Variants in REXO5 observed in about 807,000 individuals in gnomAD.
The protein encoded by REXO5 is exonuclease NEF-sp.
REXO5 carries 48 observed loss-of-function variants against 88.5 expected under a neutral mutation model. The observed-to-expected ratio is 0.54, with a 90% confidence interval of 0.43 to 0.69. REXO5 has a LOEUF of 0.69. Among genes scored for constraint, REXO5 ranks in the 30% least tolerant of loss-of-function variants. REXO5 has a pLI of 0.00. For synonymous variants in REXO5, 311 were observed against 336.5 expected (o/e 0.92, Z 0.83); for missense variants, 749 against 912.2 (o/e 0.82, Z 2.30).
chr16:20,828,531 A>G lies in REXO5; in HGVS notation c.1152A>G (p.Pro384=). The G allele has an allele frequency of 6.2e-7, 1 of 1,607,966 alleles. No homozygotes were observed. The highest frequency in any genetic ancestry group is 1.1e-5 in the South Asian group (1 of 90,924). Residue 384 remains proline, a synonymous_variant, in exon 11 of 20, where the codon CCA becomes CCG. Coordinates refer to ENST00000261377, the MANE Select transcript of REXO5 (RefSeq NM_030941.3). ...CTCGGTATTTCCTTAAGCATGGCCC[A>G]AAAAAGGTTAGTATCTTTGCCCAGT... ...ELARYFLKHG[P]KKIAELNLEA... is the part of the protein sequence containing the mutation.
At chr16:20,821,360 C>T (rs1410963277) in intron 5 of REXO5, among the ~76,000 whole-genome samples, 1 of 152,188 alleles carries the variant, frequency 6.6e-6, no homozygotes, top group Non-Finnish European at 1.5e-5. Context: ...GATCTCGGCT[C>T]ACTGCAAGCT....
chr16:20,841,457 C>T (rs983944738), intron 15 of REXO5, among the ~76,000 whole-genome samples: 3 of 152,088 alleles, frequency 2.0e-5, no homozygotes, highest in Non-Finnish European at 4.4e-5. Context: ...GGGAAGACTT[C>T]ACTGTAAATA....
intron 6 of REXO5, chr16:20,823,645 C>G (rs957637128): frequency 6.6e-6 from 1 of 152,040 alleles, no homozygotes; most frequent in Non-Finnish European, 1.5e-5. Context: ...TTCACAGTAC[C>G]GGGAATCAGA....
chr16:20,813,869 G>A (rs1173893933), intron 3 of REXO5, among the ~76,000 whole-genome samples: 3 of 151,972 alleles, frequency 2.0e-5, no homozygotes, highest in African/African-American at 7.3e-5. Context: ...GACCAGCCTG[G>A]GCAACATAGC....
chr16:20,836,438 A>C (rs186199632), intron 13 of REXO5, among the ~76,000 whole-genome samples: 1 of 152,026 alleles, frequency 6.6e-6, no homozygotes. Context: ...AGTTTTCTCC[A>C]TGTCTTTTCA....
chr16:20,827,521 G>A lies in REXO5; in HGVS notation c.1055+74G>A, dbSNP rs766031547. The A allele has an allele frequency of 2.9e-4, 311 of 1,083,450 alleles. 1 individual carries two copies. The highest frequency in any genetic ancestry group is 4.1e-4 in the Non-Finnish European group (300 of 726,442). 67.1% of individuals were successfully genotyped at this position (1,083,450 alleles called of 1,614,324 possible). A position where few individuals can be genotyped will look rare whatever the true frequency, so the allele number is the denominator to read the frequency against. On this transcript the variant is annotated intron_variant, in intron 10 of 19. Coordinates refer to ENST00000261377, the MANE Select transcript of REXO5 (RefSeq NM_030941.3). ...GTTAGCATGTAGTATCTAATTTAAT[G>A]CATATTGCAAAATTCAGGGTTTCTG...
At chr16:20,826,943 A>G in intron 8 of REXO5, 115 bp from the exon 9 acceptor site, 1 of 995,444 alleles carries the variant, frequency 1.0e-6, no homozygotes, top group Non-Finnish European at 1.4e-6. Flanking sequence ...CACTTTGGAC[A>G]CTAAGCATAT....
intron 19 of REXO5, among the ~76,000 whole-genome samples, chr16:20,847,579 T>TCTACC (rs2081628470): frequency 6.6e-6 from 1 of 152,114 alleles, no homozygotes; most frequent in Admixed American, 6.6e-5. Context: ...AGGGAGATGG[T>TCTACC]CTACCTACTG....
At chr16:20,844,871 T>C (rs1567411827) in intron 17 of REXO5, 26 bp downstream of exon 17, 1 of 1,592,354 alleles carries the variant, frequency 6.3e-7, no homozygotes, top group East Asian at 2.2e-5. Flanking sequence ...TGAATGTAGC[T>C]TTGGGGAAGG....
At chr16:20,813,091 T>C in intron 2 of REXO5, 99 bp from the exon 3 acceptor site, 3 of 791,196 alleles carry the variant, frequency 3.8e-6, no homozygotes, top group Non-Finnish European at 4.4e-6. Context: ...AGAATATACC[T>C]GTATGTTAAA....
At chr16:20,832,405 G>GA (rs2081359538) in intron 12 of REXO5, 146 bp downstream of exon 12, 4 of 482,598 alleles carry the variant, frequency 8.3e-6, no homozygotes, top group African/African-American at 2.1e-5. Flanking sequence ...AAAAACCACG[G>GA]AAAAAATACC....
intron 5 of REXO5, among the ~76,000 whole-genome samples, chr16:20,819,990 A>C (rs2081144279): frequency 6.6e-6 from 1 of 152,104 alleles, no homozygotes; most frequent in Non-Finnish European, 1.5e-5. Context: ...TCCTGGACTC[A>C]AGCAATCCTC....
chr16:20,832,297 G>A, intron 12 of REXO5, 38 bp downstream of exon 12: 1 of 1,311,956 alleles, frequency 7.6e-7, no homozygotes. Context: ...AAAGACAAAT[G>A]GAGTATCTAG....
chr16:20,847,274 A>C (rs148653234), intron 19 of REXO5, among the ~76,000 whole-genome samples: 2 of 22,172 alleles, frequency 9.0e-5, no homozygotes, highest in Non-Finnish European at 3.9e-4. Flanking sequence ...AAAAAAAAAC[A>C]AAAAAAAAAA....
intron 5 of REXO5, among the ~76,000 whole-genome samples, chr16:20,816,870 T>C (rs1382324527): frequency 8.5e-5 from 13 of 152,188 alleles, no homozygotes; most frequent in African/African-American, 1.2e-4. Context: ...CTTTGACTAA[T>C]ATAAGGGATA....
In REXO5 at chr16:20,814,982, C is replaced by T; in HGVS notation, c.307C>T (p.Gln103Ter). 6.2e-7 allele frequency: 1 copy of T among 1,613,758 alleles called. No homozygotes were observed. Among genetic ancestry groups the T allele is most frequent in the Non-Finnish European group, 8.5e-7 (1 of 1,179,884 alleles). ...AAACAACGTAGTGGTTTTTGTTCTG[C>T]AGGGAATGAGTCAGCTACACTTTTA... Reference protein sequence around the residue: ...HLNNVVVFVLQGMSQLHFYRF... With the variant: ...HLNNVVVFVL Residue 103 changes from glutamine (Q) to a stop codon, truncating the protein, a stop_gained, in exon 4 of 20, where the codon CAG (glutamine) becomes TAG (stop). Transcript: ENST00000261377. LOFTEE classifies it high-confidence loss of function.
chr16:20,840,758 A>G (rs980438194), intron 15 of REXO5, among the ~76,000 whole-genome samples: 1 of 152,148 alleles, frequency 6.6e-6, no homozygotes, highest in African/African-American at 2.4e-5. Context: ...GCTTGAGCCC[A>G]GGAGTTCAAG....
At position 20,806,669 on chromosome 16, in the gene REXO5, C is replaced by G; in HGVS notation, c.-39C>G. 9.0e-7 allele frequency: 1 copy of G among 1,105,814 alleles called. No individual in the cohort carries two copies. The highest frequency in any genetic ancestry group is 1.2e-6 in the Non-Finnish European group (1 of 801,808). 68.5% of individuals were successfully genotyped at this position (1,105,814 alleles called of 1,614,324 possible). ...GCACCTTCCTTCTTTGCCAGGCAGA[C>G]GCCCGTTGTAGCCGTTGGGGAACCG... is the stretch of plus-strand genomic sequence containing the variant. On this transcript the variant is annotated 5_prime_UTR_variant, in exon 1 of 20. Coordinates refer to ENST00000261377, the MANE Select transcript of REXO5 (RefSeq NM_030941.3).
intron 13 of REXO5, among the ~76,000 whole-genome samples, chr16:20,835,467 C>G (rs2152509094): frequency 6.6e-6 from 1 of 152,272 alleles, no homozygotes. Context: ...ATTGTTTCCT[C>G]TAATCCTTTT....
Sources: allele counts gnomAD v4.1 joint callset (sites outside exome capture counted in the v4.1 genomes callset), GRCh38; gene constraint gnomAD v4.1.1; transcripts MANE v1.5; gene names NCBI Gene and HGNC (gene_info 2026-07-23, HGNC 2026-07-21).